Variants in NSUN4 observed in about 807,000 individuals in gnomAD.
NSUN4 encodes NOP2/Sun RNA methyltransferase 4.
Under a neutral mutation model 43.8 loss-of-function variants are expected in NSUN4, and 31 were observed. The observed-to-expected ratio is 0.71, with a 90% CI of 0.53 to 0.96. The LOEUF is 0.96. Among genes scored for constraint, NSUN4 ranks in the 40% least tolerant of loss-of-function variants. NSUN4 has a pLI of 0.00. For missense variants in NSUN4, 439 were observed against 475.6 expected (o/e 0.92, Z 0.72); for synonymous variants, 167 against 184.1 (o/e 0.91, Z 0.75).
At position 46,347,033 on chromosome 1, in the gene NSUN4, C is replaced by T. The variant is rs1323455383; in HGVS notation, c.550C>T (p.Pro184Ser). The T allele has an allele frequency of 3.1e-6, 5 of 1,614,178 alleles. No homozygotes were observed. The highest frequency in any genetic ancestry group is 1.3e-5 in the African/African-American group (1 of 75,052). ...CATCGTGCTTGACCTATGTGCAGCT[C>T]CTGGGGGAAAGACACTAGCGTTGCT... ...GDIVLDLCAAPGGKTLALLQT... is the reference protein window; with the variant it reads ...GDIVLDLCAASGGKTLALLQT... The change falls in exon 3 of 6, where the codon CCT becomes TCT. Residue 184 changes from proline (P) to serine (S), a missense_variant. Transcript: ENST00000474844.
intron 4 of NSUN4, among the ~76,000 whole-genome samples, chr1:46,355,247 A>C (rs1488773752): frequency 6.6e-6 from 1 of 152,194 alleles, no homozygotes; most frequent in Admixed American, 6.5e-5. Flanking sequence ...TATTCAGCCT[A>C]TGCTTAAACA....
At chr1:46,358,923 C>G (rs150869718) in intron 4 of NSUN4, among the ~76,000 whole-genome samples, 36 of 152,212 alleles carry the variant, frequency 2.4e-4, no homozygotes, top group Non-Finnish European at 5.0e-4. Context: ...TGCTCTTTCT[C>G]CCTTTCTCAC....
chr1:46,366,352 G>A (rs1463153547), downstream of NSUN4, among the ~76,000 whole-genome samples: 1 of 152,140 alleles, frequency 6.6e-6, no homozygotes, highest in African/African-American at 2.4e-5. Context: ...TAGGGGGATA[G>A]GATGGGGCTG....
Position 46,360,879 on chromosome 1 carries a change from G to A in NSUN4, c.878+51G>A. ...GACTTTGTGCCAGAGTGCTCTGGGA[G>A]ACTGGGGGACTGGAAGCTCTTACCA... On this transcript the variant is annotated intron_variant, in intron 5 of 5. Transcript: ENST00000474844. 1.9e-6 allele frequency: 3 copies of A among 1,598,824 alleles called. No individual in the cohort carries two copies. The South Asian group carries it at 3.3e-5, about 18-fold the overall frequency.
In NSUN4 at chr1:46,362,084, A is replaced by G. The variant is rs535423667; in HGVS notation, c.*238A>G. 9 of 546,770 alleles carry G rather than the reference A, an allele frequency of 1.6e-5. No homozygotes were observed. In the South Asian group the frequency reaches 2.1e-4, roughly 12 times the overall value. 33.9% of individuals were successfully genotyped at this position (546,770 alleles called of 1,614,324 possible). A position where few individuals can be genotyped will look rare whatever the true frequency, so the allele number is the denominator to read the frequency against. Reference sequence around the variant, plus strand: ...CCTACCCCATCTCCAGGCCTGTACTAAAGTTTGCTGCCCGCTTAGGGGCTT... The same window carrying G: ...CCTACCCCATCTCCAGGCCTGTACTGAAGTTTGCTGCCCGCTTAGGGGCTT... On this transcript the variant is annotated 3_prime_UTR_variant, in exon 6 of 6. Transcript: ENST00000474844.
At chr1:46,368,798 A>G (rs1664192501), downstream of NSUN4, among the ~76,000 whole-genome samples, 1 of 152,160 alleles carries the variant, frequency 6.6e-6, no homozygotes, top group Non-Finnish European at 1.5e-5. Flanking sequence ...CATGCCTGTA[A>G]TCCCGGCACT....
intron 1 of NSUN4, chr1:46,342,211 C>G (rs1026620693): frequency 5.0e-6 from 2 of 399,738 alleles, no homozygotes; most frequent in Admixed American, 8.8e-5. Flanking sequence ...TATAATGACC[C>G]CCTTCTCTCC....
intron 4 of NSUN4, among the ~76,000 whole-genome samples, chr1:46,353,690 G>T (rs527788298): frequency 2.6e-5 from 4 of 152,160 alleles, no homozygotes; most frequent in African/African-American, 7.2e-5. Context: ...TCTTGGCCAG[G>T]CTGGTCTTGA....
Position 46,364,495 on chromosome 1 carries a change from CG to C in NSUN4, c.*2650del, listed in dbSNP as rs1207907067. ...AGGAGTTCAAGACCAGCCTGGCCAA[CG>C]TGGTGAAACCCCATCTCTATAAAAG... On this transcript the variant is annotated 3_prime_UTR_variant, in exon 6 of 6. Coordinates refer to ENST00000474844, the MANE Select transcript of NSUN4 (RefSeq NM_199044.4). 2.6e-5 allele frequency: 4 copies of C among 152,184 alleles called. No homozygotes were observed. Among genetic ancestry groups the C allele is most frequent in the Non-Finnish European group, 5.9e-5 (4 of 68,106 alleles). 9.4% of individuals were successfully genotyped at this position (152,184 alleles called of 1,614,324 possible).
chr1:46,356,697 A>AG lies in NSUN4; in HGVS notation c.753+3669_753+3670insG, dbSNP rs886556334. On this transcript the variant is annotated intron_variant, in intron 4 of 5. Transcript: ENST00000474844. ...GACAGCGAGATTCCGTCTCAAAAAAAAAAAAGAAGAAGAAGAAGAAGAATA... is the reference window on the plus strand; with the variant it reads ...GACAGCGAGATTCCGTCTCAAAAAAAGAAAAAGAAGAAGAAGAAGAAGAATA... Among the ~76,000 whole-genome samples, 29 of 145,876 alleles carry AG rather than the reference A, an allele frequency of 2.0e-4. 1 individual carries two copies. Among genetic ancestry groups the AG allele is most frequent in the Admixed American group, 8.8e-4 (13 of 14,690 alleles).
At chr1:46,354,968 G>T (rs1377331920) in intron 4 of NSUN4, among the ~76,000 whole-genome samples, 1 of 152,202 alleles carries the variant, frequency 6.6e-6, no homozygotes, top group Non-Finnish European at 1.5e-5. Flanking sequence ...ACTGCGCCCG[G>T]CCTATTCATT....
chr1:46,358,423 G>A (rs1312911791), intron 4 of NSUN4, among the ~76,000 whole-genome samples: 1 of 76,102 alleles, frequency 1.3e-5, no homozygotes, highest in Non-Finnish European at 2.5e-5. Flanking sequence ...TTTTTTTTGA[G>A]ATGGAGTCTC....
At chr1:46,345,823 T>C (rs950915275) in intron 2 of NSUN4, among the ~76,000 whole-genome samples, 9 of 152,172 alleles carry the variant, frequency 5.9e-5, no homozygotes, top group Non-Finnish European at 5.9e-5. Context: ...TTGTAGGGTA[T>C]GGGAATTGAT....
intron 2 of NSUN4, among the ~76,000 whole-genome samples, chr1:46,346,533 C>T (rs1662510345): frequency 8.3e-6 from 1 of 119,848 alleles, no homozygotes; most frequent in Admixed American, 1.1e-4. Flanking sequence ...GCCTGGGCAA[C>T]AGAGCGAGAC....
At chr1:46,380,222 C>A in the NSUN4 span, among the ~76,000 whole-genome samples, 1 of 152,188 alleles carries the variant, frequency 6.6e-6, no homozygotes, top group Non-Finnish European at 1.5e-5. Context: ...TATTACCTGT[C>A]TTCCCACTCA....
In NSUN4 at chr1:46,363,060, C is replaced by T. The variant is rs1342484480; in HGVS notation, c.*1214C>T. On this transcript the variant is annotated 3_prime_UTR_variant, in exon 6 of 6. Coordinates refer to ENST00000474844, the MANE Select transcript of NSUN4 (RefSeq NM_199044.4). Reference sequence around the variant, plus strand: ...TTTAGAATACCTGAAGGCTTCTTGGCTTTTCCACTTTCCTTATTCCTCCTC... The same window carrying T: ...TTTAGAATACCTGAAGGCTTCTTGGTTTTTCCACTTTCCTTATTCCTCCTC... The T allele has an allele frequency of 1.3e-5, 2 of 151,652 alleles. No homozygotes were observed. The highest frequency in any genetic ancestry group is 6.6e-5 in the Admixed American group (1 of 15,178). 9.4% of individuals were successfully genotyped at this position (151,652 alleles called of 1,614,324 possible).
chr1:46,375,367 G>A, the NSUN4 span, among the ~76,000 whole-genome samples: 2 of 151,378 alleles, frequency 1.3e-5, no homozygotes, highest in South Asian at 2.1e-4. Context: ...CTCAGGAGGC[G>A]GAGGTTGCAA....
At chr1:46,343,648 G>C in intron 1 of NSUN4, 1 of 399,924 alleles carries the variant, frequency 2.5e-6, no homozygotes, top group Non-Finnish European at 4.4e-6. Context: ...AGTCAGAAAA[G>C]CAGTCCCTAT....
chr1:46,341,797 C>A, intron 1 of NSUN4: 2 of 1,232,582 alleles, frequency 1.6e-6, no homozygotes, highest in South Asian at 4.1e-5. Flanking sequence ...GGGTCACCCC[C>A]TCTCTGTCAG....
Sources: gnomAD v4.1 joint callset for allele counts (sites outside exome capture counted in the v4.1 genomes callset) on GRCh38, gnomAD v4.1.1 for gene constraint, MANE v1.5 for transcripts, NCBI Gene and HGNC (gene_info 2026-07-23, HGNC 2026-07-21) for gene names.